Variants in CHKA observed in about 807,000 individuals in gnomAD.
CHKA encodes the protein CHETK-alpha.
A neutral mutation model predicts 60.1 loss-of-function variants in CHKA; 34 were observed. The ratio of observed to expected loss-of-function variants is 0.57; its 90% CI spans 0.43 to 0.75. The LOEUF (loss-of-function observed/expected upper bound fraction) is 0.75. Among genes scored for constraint, CHKA ranks in the 30% least tolerant of loss-of-function variants. The probability of loss-of-function intolerance (pLI) is 0.00; values close to 1 mark genes in which losing one functional copy is unlikely to be tolerated. For synonymous variants in CHKA, 217 were observed against 223.1 expected (o/e 0.97, Z 0.24); for missense variants, 563 against 561.3 (o/e 1.00, Z -0.03).
intron 1 of CHKA, among the ~76,000 whole-genome samples, chr11:68,100,309 G>A (rs1339291614): frequency 6.6e-6 from 1 of 152,212 alleles, no homozygotes; most frequent in Non-Finnish European, 1.5e-5. Flanking sequence ...AGAGGCATGG[G>A]CTGGATGTGG....
Position 68,081,435 on chromosome 11 carries a change from G to T in CHKA, c.485C>A (p.Ser162Tyr), listed in dbSNP as rs200175256. Residue 162 changes from serine (S) to tyrosine (Y), a missense_variant, in exon 3 of 12, where the codon TCC (serine) becomes TAC (tyrosine). Ser to Tyr is a moderately radical substitution (Grantham distance 144). Coordinates refer to ENST00000265689, the MANE Select transcript of CHKA (RefSeq NM_001277.3). ...LQMRSCNKEG[S>Y]EQAQKENEFQ... ...TTCATTTTCTTTCTGAGCTTGTTCG[G>T]ATCCCTCTTTATTACAGGACCTCTA... 3.1e-5 allele frequency: 50 copies of T among 1,613,454 alleles called. No homozygotes were observed. The East Asian group carries it at 1.1e-3, about 36-fold the overall frequency.
intron 3 of CHKA, among the ~76,000 whole-genome samples, chr11:68,075,806 CAA>C (rs1364365626): frequency 2.6e-5 from 4 of 152,106 alleles, no homozygotes; most frequent in African/African-American, 4.8e-5. Context: ...AGAGCTTTTG[CAA>C]AGAGATTCCT....
intron 3 of CHKA, among the ~76,000 whole-genome samples, chr11:68,076,976 G>A (rs1382085996): frequency 3.9e-5 from 6 of 152,188 alleles, no homozygotes; most frequent in African/African-American, 7.2e-5. Flanking sequence ...GGTGGCTCAC[G>A]CCTGTAATCC....
In CHKA at chr11:68,074,819, G is replaced by A; in HGVS notation, c.528C>T (p.Ala176=). The change falls in exon 4 of 12, where the codon GCC becomes GCT. Residue 176 remains alanine, a synonymous_variant. Coordinates refer to ENST00000265689, the MANE Select transcript of CHKA (RefSeq NM_001277.3). ...QKENEFQGAE[A]MVLESVMFAI... ...CAAACATAACGCTCTCCAGAACCAT[G>A]GCCTCAGCCCCCTAAAACAGATGGC... 1 of 1,614,174 alleles carries A rather than the reference G, an allele frequency of 6.2e-7. No individual in the cohort carries two copies. Among genetic ancestry groups the A allele is most frequent in the Non-Finnish European group, 8.5e-7 (1 of 1,180,034 alleles).
At chr11:68,078,520 G>A (rs1009031202) in intron 3 of CHKA, among the ~76,000 whole-genome samples, 4 of 152,184 alleles carry the variant, frequency 2.6e-5, no homozygotes, top group Non-Finnish European at 4.4e-5. Context: ...GAACAGAAAC[G>A]GGAGAGAGAA....
intron 11 of CHKA, among the ~76,000 whole-genome samples, chr11:68,058,164 G>A (rs1856096302): frequency 6.6e-6 from 1 of 152,178 alleles, no homozygotes; most frequent in Admixed American, 6.5e-5. Context: ...AGTGCTGGAT[G>A]ACTGGCTTGA....
intron 4 of CHKA, 43 bp downstream of exon 4, chr11:68,074,674 G>A: frequency 6.4e-7 from 1 of 1,556,050 alleles, no homozygotes; most frequent in South Asian, 1.1e-5. Context: ...GCCATCTTCT[G>A]TCTGTGGCAT....
At chr11:68,056,618 CAAGAAT>C (rs1305957397) in intron 11 of CHKA, among the ~76,000 whole-genome samples, 5 of 152,132 alleles carry the variant, frequency 3.3e-5, no homozygotes, top group African/African-American at 1.2e-4. Context: ...GGAAGGTGAA[CAAGAAT>C]GAGTTCCCCA....
At chr11:68,078,905 G>T (rs890247881) in intron 3 of CHKA, among the ~76,000 whole-genome samples, 1 of 151,886 alleles carries the variant, frequency 6.6e-6, no homozygotes, top group Non-Finnish European at 1.5e-5. Context: ...TTCAATTCAG[G>T]TCATAGTTCA....
intron 2 of CHKA, among the ~76,000 whole-genome samples, chr11:68,086,714 G>A (rs780499689): frequency 2.0e-5 from 3 of 152,076 alleles, no homozygotes; most frequent in African/African-American, 7.2e-5. Flanking sequence ...TTGGCTGGGC[G>A]TGGTGGCTCA....
At chr11:68,055,269 A>C (rs1855966626) in intron 11 of CHKA, among the ~76,000 whole-genome samples, 1 of 152,170 alleles carries the variant, frequency 6.6e-6, no homozygotes, top group Admixed American at 6.5e-5. Context: ...GGGCGCCTGT[A>C]ATCCCAGCTA....
intron 3 of CHKA, among the ~76,000 whole-genome samples, chr11:68,077,822 G>C (rs1260106797): frequency 6.6e-6 from 1 of 152,134 alleles, no homozygotes; most frequent in Non-Finnish European, 1.5e-5. Flanking sequence ...ACTGACCTGA[G>C]ATCTGAGGTG....
At chr11:68,066,636 G>A in intron 7 of CHKA, 120 bp from the exon 8 acceptor site, 1 of 779,758 alleles carries the variant, frequency 1.3e-6, no homozygotes, top group Non-Finnish European at 2.2e-6. Flanking sequence ...GTGGCTTTTG[G>A]TCTGTGGACA....
At position 68,120,175 on chromosome 11, in the gene CHKA, G is replaced by A. The variant is rs1858563547; in HGVS notation, c.350+653C>T. Among the ~76,000 whole-genome samples the A allele has an allele frequency of 3.3e-5, 5 of 150,654 alleles. No individual in the cohort carries two copies. The South Asian group carries it at 1.0e-3, about 31-fold the overall frequency. On this transcript the variant is annotated intron_variant, in intron 1 of 11. Transcript: ENST00000265689. The stretch of plus-strand genomic sequence containing the variant: ...ACACGGGAGGCCGTGGTTGCAGTGA[G>A]CCGAGGTCGCGCCACTGCACTCCAG...
At chr11:68,084,398 A>C (rs1290838716) in intron 2 of CHKA, among the ~76,000 whole-genome samples, 2 of 119,914 alleles carry the variant, frequency 1.7e-5, no homozygotes, top group Non-Finnish European at 3.4e-5. Flanking sequence ...ATACACACAT[A>C]TACGTATATA....
At chr11:68,064,485 G>A (rs753768796) in intron 10 of CHKA, 40 bp downstream of exon 10, 25 of 1,021,550 alleles carry the variant, frequency 2.4e-5, no homozygotes, top group Admixed American at 1.4e-4. Context: ...TCTATAAAGA[G>A]GAAAGCTATC....
intron 2 of CHKA, among the ~76,000 whole-genome samples, chr11:68,084,652 T>C (rs1246453472): frequency 1.3e-5 from 2 of 151,794 alleles, no homozygotes; most frequent in Admixed American, 6.6e-5. Flanking sequence ...TTATTTAATA[T>C]TAAGTAATTA....
rs754639082 is a variant in CHKA at position 68,112,053 on chromosome 11, CAAAAAAAAAA to C, written c.350+8765_350+8774del. Among the ~76,000 whole-genome samples, 4 of 20,916 alleles carry C rather than the reference CAAAAAAAAAA, an allele frequency of 1.9e-4. 1 individual carries two copies. Among genetic ancestry groups the C allele is most frequent in the Admixed American group, 8.8e-4 (1 of 1,138 alleles). The allele number at this position is 20,916 out of a possible 152,430, so 13.7% of individuals were successfully genotyped here. ...GGGCAACAACAGCAAAACTCCGTCT[CAAAAAAAAAA>C]AAAAAAAAAAAAAAAGTCCTGGAAC... On this transcript the variant is annotated intron_variant, in intron 1 of 11. Transcript: ENST00000265689.
intron 5 of CHKA, 65 bp downstream of exon 5, chr11:68,070,659 C>T (rs974532600): frequency 1.3e-6 from 2 of 1,557,094 alleles, no homozygotes; most frequent in African/African-American, 1.4e-5. Context: ...CAAATGCTCA[C>T]TTATGGTACT....
Sources: gnomAD v4.1 joint callset for allele counts (sites outside exome capture counted in the v4.1 genomes callset) on GRCh38, gnomAD v4.1.1 for gene constraint, MANE v1.5 for transcripts, NCBI Gene and HGNC (gene_info 2026-07-23, HGNC 2026-07-21) for gene names.